Variants in TENM2 observed in about 807,000 individuals in gnomAD.
The protein encoded by TENM2 is teneurin transmembrane protein 2, also known as teneurin-2.
Under a neutral mutation model 245.2 loss-of-function variants are expected in TENM2, and 52 were observed. The observed-to-expected ratio is 0.21, with a 90% CI of 0.17 to 0.27. TENM2 has a LOEUF of 0.27. Among genes scored for constraint, TENM2 ranks in the 10% least tolerant of loss-of-function variants. TENM2 has a pLI of 1.00. For missense variants in TENM2, 3,046 were observed against 3,666.8 expected, an observed-to-expected ratio of 0.83 and a Z score of 4.37; for synonymous variants, 1,363 against 1,438.9, an observed-to-expected ratio of 0.95 and a Z score of 1.19.
At chr5:167,281,447 A>T (rs1038824132), upstream of TENM2, among the ~76,000 whole-genome samples, 4 of 152,074 alleles carry the variant, frequency 2.6e-5, no homozygotes, top group Non-Finnish European at 5.9e-5. Flanking sequence ...GGCAGGCTAA[A>T]TACAAAATGT....
chr5:168,119,921 G>T (rs946648782), intron 10 of TENM2, among the ~76,000 whole-genome samples: 1 of 152,186 alleles, frequency 6.6e-6, no homozygotes, highest in East Asian at 1.9e-4. Flanking sequence ...GGCTAACAAG[G>T]GATCTCAGGT....
At chr5:167,548,840 G>A (rs1199020433) in intron 2 of TENM2, among the ~76,000 whole-genome samples, 7 of 152,142 alleles carry the variant, frequency 4.6e-5, no homozygotes, top group Admixed American at 2.0e-4. Flanking sequence ...TTGGGTGGGG[G>A]GAGCAATGGA....
At chr5:167,048,408 G>A in the TENM2 span, among the ~76,000 whole-genome samples, 1 of 152,130 alleles carries the variant, frequency 6.6e-6, no homozygotes, top group Non-Finnish European at 1.5e-5. Flanking sequence ...TAGTTATAAG[G>A]TTTAAATGAA....
chr5:168,191,747 G>A lies in TENM2; in HGVS notation c.2780+1200G>A, dbSNP rs377452215. ...ATACTAGACTTCCCTTCTTACAGAA[G>A]CACCTAACTTTATAAGTGATTCTCT... On this transcript the variant is annotated intron_variant, in intron 14 of 28. Coordinates refer to ENST00000518659, the Ensembl canonical transcript of TENM2. Among the ~76,000 whole-genome samples, 166 of 152,240 alleles carry A rather than the reference G, an allele frequency of 1.1e-3. 1 individual carries two copies. The highest frequency in any genetic ancestry group is 3.9e-3 in the African/African-American group (161 of 41,542).
At chr5:167,727,921 ATTT>A (rs1266144053) in intron 2 of TENM2, among the ~76,000 whole-genome samples, 1 of 151,946 alleles carries the variant, frequency 6.6e-6, no homozygotes, top group Non-Finnish European at 1.5e-5. Flanking sequence ...TATTACCATT[ATTT>A]TTCTGGTCTT....
At chr5:167,481,790 T>G (rs1312082527) in intron 2 of TENM2, among the ~76,000 whole-genome samples, 1 of 152,232 alleles carries the variant, frequency 6.6e-6, no homozygotes, top group Non-Finnish European at 1.5e-5. Flanking sequence ...ATTTCAGTCT[T>G]TTCATTACTA....
the TENM2 span, among the ~76,000 whole-genome samples, chr5:167,124,484 C>T: frequency 5.9e-5 from 9 of 152,284 alleles, 1 homozygote; most frequent in East Asian, 1.7e-3. Flanking sequence ...ATTCAATATA[C>T]AACTCTACTG....
chr5:167,455,334 A>T (rs1174434598), intron 2 of TENM2, among the ~76,000 whole-genome samples: 2 of 152,176 alleles, frequency 1.3e-5, no homozygotes, highest in Non-Finnish European at 2.9e-5. Context: ...CTTCTTTGAA[A>T]CAGGTATCTC....
chr5:168,120,976 G>C (rs1795429224), intron 10 of TENM2, among the ~76,000 whole-genome samples: 1 of 152,204 alleles, frequency 6.6e-6, no homozygotes, highest in African/African-American at 2.4e-5. Context: ...AAGGTGATGA[G>C]AGAGGAGTTG....
the TENM2 span, among the ~76,000 whole-genome samples, chr5:167,003,673 A>G: frequency 6.6e-6 from 1 of 152,180 alleles, no homozygotes; most frequent in South Asian, 2.1e-4. Flanking sequence ...TGATAAGAGC[A>G]ATTTGAAGAT....
intron 2 of TENM2, among the ~76,000 whole-genome samples, chr5:167,801,488 G>A (rs1452664591): frequency 6.6e-6 from 1 of 152,008 alleles, no homozygotes; most frequent in Non-Finnish European, 1.5e-5. Context: ...TATTATTGGA[G>A]CTATGAACAG....
intron 2 of TENM2, among the ~76,000 whole-genome samples, chr5:167,510,829 A>G (rs1181186917): frequency 6.6e-6 from 1 of 152,176 alleles, no homozygotes; most frequent in Admixed American, 6.5e-5. Context: ...TTTGTTGTGT[A>G]TGATGTGCAA....
At chr5:167,900,137 G>GAA (rs1561912449) in intron 3 of TENM2, among the ~76,000 whole-genome samples, 19 of 112,760 alleles carry the variant, frequency 1.7e-4, no homozygotes, top group African/African-American at 8.1e-4. Context: ...AAAAAAAGGG[G>GAA]GGGGGGGTTT....
chr5:167,714,552 G>C (rs1759128111), intron 2 of TENM2, among the ~76,000 whole-genome samples: 1 of 152,176 alleles, frequency 6.6e-6, no homozygotes, highest in African/African-American at 2.4e-5. Flanking sequence ...CCAAGCCTCT[G>C]AGCTCAGGAT....
the TENM2 span, among the ~76,000 whole-genome samples, chr5:167,204,291 C>A: frequency 6.6e-6 from 1 of 152,026 alleles, no homozygotes; most frequent in Non-Finnish European, 1.5e-5. Flanking sequence ...GTCAATTAGA[C>A]AACAGCATAA....
rs530009682 is a variant in TENM2 at position 167,865,331 on chromosome 5, T to C, written c.503-10655T>C. ...TGTTGCTCTGCAGTCCAGGCCAGAGTGGCACATTCAGGGCTCACTGCAGCC... is the reference window on the plus strand; with the variant it reads ...TGTTGCTCTGCAGTCCAGGCCAGAGCGGCACATTCAGGGCTCACTGCAGCC... On this transcript the variant is annotated intron_variant, in intron 2 of 28. Transcript: ENST00000518659. 2.6e-5 allele frequency among the ~76,000 whole-genome samples: 4 copies of C among 152,218 alleles called. No individual in the cohort carries two copies. In the East Asian group the frequency reaches 7.7e-4, roughly 29 times the overall value.
chr5:167,883,344 G>T (rs1439492598), intron 3 of TENM2, among the ~76,000 whole-genome samples: 1 of 152,162 alleles, frequency 6.6e-6, no homozygotes, highest in East Asian at 1.9e-4. Flanking sequence ...TTTCCTTTGT[G>T]CCTTCTTGAA....
rs76832191 is a variant in TENM2, at chr5:167,930,952, C to G, written c.713-21636C>G. On this transcript the variant is annotated intron_variant, in intron 3 of 28. Transcript: ENST00000518659. ...AGTTGCATAAGGTTTACAACTTTGT[C>G]AGTGCCACCTTTAGCCAAGAGGAGT... Among the ~76,000 whole-genome samples the G allele has an allele frequency of 3.7e-4, 57 of 152,290 alleles. 1 individual carries two copies. The highest frequency in any genetic ancestry group is 1.4e-3 in the African/African-American group (57 of 41,568).
chr5:168,084,963 A>G (rs1160420896), intron 7 of TENM2, among the ~76,000 whole-genome samples: 1 of 152,188 alleles, frequency 6.6e-6, no homozygotes, highest in Non-Finnish European at 1.5e-5. Context: ...CAGCCACCAG[A>G]TATGCTGGCA....
Sources: gnomAD v4.1 joint callset for allele counts (sites outside exome capture counted in the v4.1 genomes callset) on GRCh38, gnomAD v4.1.1 for gene constraint, MANE v1.5 for transcripts, NCBI Gene and HGNC (gene_info 2026-07-23, HGNC 2026-07-21) for gene names.